The following NUP37 variants were observed in gnomAD, a reference collection of about 807,000 sequenced individuals.
NUP37 encodes the protein nucleoporin 37, also known as nucleoporin Nup37.
In NUP37, 33 loss-of-function variants were observed where a neutral mutation model predicts 45.4. The observed-to-expected ratio is 0.73, with a 90% CI of 0.55 to 0.97. The LOEUF is 0.97. NUP37 is among the 50% of genes least tolerant of loss of function. The pLI is 0.00. For missense variants in NUP37, 365 were observed against 389.7 expected (o/e 0.94, Z 0.53); for synonymous variants, 127 against 130.7 (o/e 0.97, Z 0.19).
At chr12:102,112,020 A>AG (rs1436350772) in intron 3 of NUP37, 88 bp downstream of exon 3, 3 of 1,257,682 alleles carry the variant, frequency 2.4e-6, no homozygotes, top group Non-Finnish European at 3.4e-6. Context: ...ATGGAAATTG[A>AG]GAAAAAAGTA....
intron 5 of NUP37, among the ~76,000 whole-genome samples, chr12:102,094,580 T>C (rs1394874123): frequency 6.6e-6 from 1 of 152,104 alleles, no homozygotes; most frequent in Non-Finnish European, 1.5e-5. Context: ...AAAGGTAATA[T>C]GAAAAACACA....
At chr12:102,118,660 G>A (rs769374363) in intron 1 of NUP37, 77 bp from the exon 2 acceptor site, 17 of 670,836 alleles carry the variant, frequency 2.5e-5, no homozygotes, top group Non-Finnish European at 4.1e-5. Flanking sequence ...ATAAGGTTGT[G>A]GTGTTACAAT....
intron 2 of NUP37, among the ~76,000 whole-genome samples, chr12:102,117,456 A>AAT (rs1555207457): frequency 1.4e-4 from 21 of 152,208 alleles, no homozygotes; most frequent in African/African-American, 5.1e-4. Flanking sequence ...AAAAAAATAA[A>AAT]AATAATAATA....
chr12:102,075,098 A>C lies in NUP37; in HGVS notation c.774-4T>G. ...ATTTTCACTAATTGTGGACCACCTAAGAAATAAGGAAGCGTAAAATTAAGT... is the reference window on the plus strand; with the variant it reads ...ATTTTCACTAATTGTGGACCACCTACGAAATAAGGAAGCGTAAAATTAAGT... On this transcript the variant is annotated splice_region_variant and splice_polypyrimidine_tract_variant and intron_variant, in intron 8 of 9. Coordinates refer to ENST00000552283, the MANE Select transcript of NUP37 (RefSeq NM_024057.4). 1 of 1,589,370 alleles carries C rather than the reference A, an allele frequency of 6.3e-7. No individual in the cohort carries two copies. Among genetic ancestry groups the C allele is most frequent in the Non-Finnish European group, 8.6e-7 (1 of 1,162,058 alleles).
At chr12:102,119,917 G>A (rs1296289582) in intron 1 of NUP37, 133 bp downstream of exon 1, 1 of 153,464 alleles carries the variant, frequency 6.5e-6, no homozygotes, top group African/African-American at 2.4e-5. Context: ...CGGGCCAGGC[G>A]AGTTCCTCAA....
intron 5 of NUP37, among the ~76,000 whole-genome samples, chr12:102,092,770 A>G (rs970097877): frequency 3.9e-5 from 6 of 152,258 alleles, no homozygotes; most frequent in Admixed American, 3.3e-4. Flanking sequence ...TGGTAAATAA[A>G]GTTTTGTCAG....
chr12:102,094,178 A>C (rs1431888501), intron 5 of NUP37, among the ~76,000 whole-genome samples: 2 of 152,104 alleles, frequency 1.3e-5, no homozygotes, highest in Admixed American at 6.6e-5. Flanking sequence ...TGCTCAACAC[A>C]AAGTGTCCAT....
intron 6 of NUP37, among the ~76,000 whole-genome samples, chr12:102,084,905 GCTC>G (rs1241693447): frequency 6.6e-6 from 1 of 152,112 alleles, no homozygotes; most frequent in East Asian, 1.9e-4. Flanking sequence ...TTGTTTAATG[GCTC>G]CTAACTTTCC....
At chr12:102,089,381 C>A (rs890178061) in intron 5 of NUP37, among the ~76,000 whole-genome samples, 2 of 147,184 alleles carry the variant, frequency 1.4e-5, no homozygotes, top group African/African-American at 5.1e-5. Flanking sequence ...GGCAGAGGCA[C>A]TCCTCACATC....
intron 5 of NUP37, among the ~76,000 whole-genome samples, chr12:102,097,936 A>G (rs1382440828): frequency 6.6e-6 from 1 of 152,214 alleles, no homozygotes; most frequent in African/African-American, 2.4e-5. Context: ...CTTTAAAAAG[A>G]TGAGCTATAT....
chr12:102,099,782 G>C (rs538136430), intron 4 of NUP37, among the ~76,000 whole-genome samples: 1 of 152,284 alleles, frequency 6.6e-6, no homozygotes, highest in Non-Finnish European at 1.5e-5. Context: ...TTGCACAGTG[G>C]AGGACTGTGT....
At chr12:102,088,283 C>T (rs1296897808) in intron 5 of NUP37, among the ~76,000 whole-genome samples, 1 of 152,082 alleles carries the variant, frequency 6.6e-6, no homozygotes. Flanking sequence ...TTTTCTGTGT[C>T]TTTACTATAT....
At chr12:102,103,863 G>A (rs531268701) in intron 3 of NUP37, among the ~76,000 whole-genome samples, 15 of 152,166 alleles carry the variant, frequency 9.9e-5, no homozygotes, top group African/African-American at 2.4e-4. Context: ...AAAATGTTCC[G>A]CATCACAATA....
chr12:102,106,926 C>T (rs1263231854), intron 3 of NUP37, among the ~76,000 whole-genome samples: 1 of 152,172 alleles, frequency 6.6e-6, no homozygotes, highest in Non-Finnish European at 1.5e-5. Flanking sequence ...CATAAAGGAA[C>T]TAAAACTTAC....
chr12:102,114,107 A>C (rs1880393439), intron 2 of NUP37, among the ~76,000 whole-genome samples: 1 of 152,244 alleles, frequency 6.6e-6, no homozygotes, highest in Admixed American at 6.5e-5. Context: ...GCTAACAGCC[A>C]GATATGCCAA....
In NUP37 at chr12:102,076,828, G is replaced by C. The variant is rs531632081; in HGVS notation, c.742C>G (p.Pro248Ala). 1 of 1,613,112 alleles carries C rather than the reference G, an allele frequency of 6.2e-7. No individual in the cohort carries two copies. The highest frequency in any genetic ancestry group is 2.2e-5 in the East Asian group (1 of 44,848). The change falls in exon 8 of 10, where the codon CCT becomes GCT. Residue 248 changes from proline to alanine, a missense_variant. Pro to Ala is a conservative substitution (Grantham distance 27, BLOSUM62 -1). Transcript: ENST00000552283. ...AAGCAGGCTCGATCCATGTGAACAG[G>C]TCTCTTATTTTGAGGATAACTAAAA... ...TRSSYPQNKR[P>A]VHMDRACLFR...
At chr12:102,116,759 C>G (rs1034266022) in intron 2 of NUP37, among the ~76,000 whole-genome samples, 1 of 151,984 alleles carries the variant, frequency 6.6e-6, no homozygotes, top group Admixed American at 6.5e-5. Flanking sequence ...AATCCCAGTA[C>G]TTTGGGAGGC....
At chr12:102,116,429 C>T (rs752274777) in intron 2 of NUP37, among the ~76,000 whole-genome samples, 5 of 152,142 alleles carry the variant, frequency 3.3e-5, no homozygotes, top group Non-Finnish European at 5.9e-5. Flanking sequence ...TTTTCAAGTA[C>T]GTAACATTGT....
chr12:102,093,131 GA>G (rs1879708681), intron 5 of NUP37, among the ~76,000 whole-genome samples: 2 of 151,956 alleles, frequency 1.3e-5, no homozygotes, highest in African/African-American at 4.8e-5. Flanking sequence ...GTCAAAATCA[GA>G]GTTGATAATA....
Sources: allele counts gnomAD v4.1 joint callset (sites outside exome capture counted in the v4.1 genomes callset), GRCh38; gene constraint gnomAD v4.1.1; transcripts MANE v1.5; gene names NCBI Gene and HGNC (gene_info 2026-07-23, HGNC 2026-07-21).